Variants in RARB observed in about 807,000 individuals in gnomAD.
RARB encodes the protein HBV-activated protein.
Under a neutral mutation model 51.9 loss-of-function variants are expected in RARB, and 17 were observed. That is an observed-to-expected ratio of 0.33 (90% CI 0.22 to 0.49). RARB has a LOEUF of 0.49. Among genes scored for constraint, RARB ranks in the 20% least tolerant of loss-of-function variants. RARB has a pLI of 0.99. For missense variants in RARB, 369 were observed against 550.8 expected (o/e 0.67, Z 3.30); for synonymous variants, 215 against 195.4 (o/e 1.10, Z -0.84).
At chr3:25,334,424 C>T (rs1199102533) in intron 5 of RARB, among the ~76,000 whole-genome samples, 1 of 152,064 alleles carries the variant, frequency 6.6e-6, no homozygotes, top group Non-Finnish European at 1.5e-5. Flanking sequence ...CAAACTATTG[C>T]AAGGACAGAA....
chr3:25,258,096 A>T (rs768252569), intron 5 of RARB, among the ~76,000 whole-genome samples: 1 of 152,094 alleles, frequency 6.6e-6, no homozygotes, highest in Non-Finnish European at 1.5e-5. Context: ...CACAGAATAC[A>T]TGAATAAAGG....
intron 5 of RARB, among the ~76,000 whole-genome samples, chr3:25,321,602 A>G (rs955072283): frequency 2.0e-5 from 3 of 152,050 alleles, no homozygotes; most frequent in South Asian, 2.1e-4. Context: ...CTGTAATCCC[A>G]GCTACTCGGG....
chr3:25,567,137 T>C (rs1700528368), intron 3 of RARB, among the ~76,000 whole-genome samples: 1 of 152,202 alleles, frequency 6.6e-6, no homozygotes, highest in Non-Finnish European at 1.5e-5. Flanking sequence ...TTTTTGTTGG[T>C]GTTGTTTTGT....
chr3:25,449,340 TC>T (rs1411980797), intron 1 of RARB, among the ~76,000 whole-genome samples: 2 of 152,132 alleles, frequency 1.3e-5, no homozygotes, highest in African/African-American at 4.8e-5. Flanking sequence ...TGTGTTTGCT[TC>T]TGGGGGACTT....
At chr3:25,455,274 T>C (rs1038355445) in intron 1 of RARB, among the ~76,000 whole-genome samples, 2 of 152,340 alleles carry the variant, frequency 1.3e-5, no homozygotes, top group African/African-American at 4.8e-5. Context: ...CCTTAACTCC[T>C]ATTTCCTGGA....
intron 2 of RARB, among the ~76,000 whole-genome samples, chr3:24,943,303 A>G (rs567439262): frequency 6.6e-6 from 1 of 152,294 alleles, no homozygotes; most frequent in South Asian, 2.1e-4. Flanking sequence ...TTCTGCTTGC[A>G]ATGTGATTAG....
intron 2 of RARB, among the ~76,000 whole-genome samples, chr3:24,869,979 T>C (rs183258026): frequency 3.2e-4 from 48 of 152,206 alleles, no homozygotes; most frequent in African/African-American, 1.1e-3. Flanking sequence ...AGTTGGTATT[T>C]ACTAATTTAC....
intron 5 of RARB, among the ~76,000 whole-genome samples, chr3:25,320,168 T>A (rs1315799202): frequency 2.0e-5 from 3 of 152,076 alleles, no homozygotes; most frequent in Non-Finnish European, 4.4e-5. Flanking sequence ...CACTTCCTCA[T>A]CTTTAGGATT....
chr3:24,903,440 G>T (rs1004235611), intron 2 of RARB, among the ~76,000 whole-genome samples: 1 of 151,962 alleles, frequency 6.6e-6, no homozygotes, highest in Non-Finnish European at 1.5e-5. Context: ...CATTTTAAAA[G>T]TTCTTTCTTT....
intron 2 of RARB, among the ~76,000 whole-genome samples, chr3:24,984,578 G>GC (rs1696747097): frequency 6.6e-6 from 1 of 152,172 alleles, no homozygotes; most frequent in African/African-American, 2.4e-5. Context: ...AGTTACCAGA[G>GC]CCTAATAGTA....
intron 5 of RARB, among the ~76,000 whole-genome samples, chr3:25,294,416 T>C (rs1410688741): frequency 1.3e-5 from 2 of 152,116 alleles, no homozygotes; most frequent in Non-Finnish European, 2.9e-5. Flanking sequence ...ATAAATGCCA[T>C]TCCAGCTATT....
intron 5 of RARB, among the ~76,000 whole-genome samples, chr3:25,201,454 C>T (rs558809297): frequency 1.4e-4 from 22 of 152,316 alleles, no homozygotes; most frequent in Non-Finnish European, 2.5e-4. Context: ...CTGGCCAGAA[C>T]TTCCAACACT....
chr3:24,903,606 AAAC>A (rs1351963478), intron 2 of RARB, among the ~76,000 whole-genome samples: 6 of 152,158 alleles, frequency 3.9e-5, no homozygotes, highest in Non-Finnish European at 5.9e-5. Flanking sequence ...GGAATTACGC[AAAC>A]AACACATTCA....
intron 2 of RARB, among the ~76,000 whole-genome samples, chr3:24,900,843 G>T (rs1703589241): frequency 6.6e-6 from 1 of 152,098 alleles, no homozygotes; most frequent in East Asian, 1.9e-4. Context: ...AAAGTTGGGT[G>T]ATTATAATAG....
intron 2 of RARB, among the ~76,000 whole-genome samples, chr3:24,980,270 G>C (rs79359630): frequency 1.4e-4 from 21 of 152,254 alleles, no homozygotes; most frequent in African/African-American, 5.1e-4. Context: ...TTCTCAAGGA[G>C]TATCTTTGTG....
intron 5 of RARB, among the ~76,000 whole-genome samples, chr3:25,273,323 A>G (rs924792799): frequency 1.3e-5 from 2 of 152,184 alleles, no homozygotes; most frequent in African/African-American, 4.8e-5. Flanking sequence ...CTGCTCACTT[A>G]ATCATTATAT....
intron 3 of RARB, among the ~76,000 whole-genome samples, chr3:25,557,249 G>T (rs2125674718): frequency 6.6e-6 from 1 of 152,112 alleles, no homozygotes; most frequent in South Asian, 2.1e-4. Context: ...TTGCACAGTA[G>T]TAGCTCAATA....
At chr3:24,984,528 T>C (rs1464722359) in intron 2 of RARB, among the ~76,000 whole-genome samples, 2 of 152,320 alleles carry the variant, frequency 1.3e-5, no homozygotes, top group Admixed American at 6.5e-5. Flanking sequence ...TAATCTCACT[T>C]ATATGTGGGA....
intron 3 of RARB, among the ~76,000 whole-genome samples, chr3:25,065,503 A>C (rs993892267): frequency 6.6e-5 from 10 of 152,346 alleles, no homozygotes; most frequent in African/African-American, 2.4e-4. Context: ...GCACTGTAAA[A>C]GTATTTTCAC....
Sources: gnomAD v4.1 joint callset for allele counts (sites outside exome capture counted in the v4.1 genomes callset) on GRCh38, gnomAD v4.1.1 for gene constraint, MANE v1.5 for transcripts, NCBI Gene and HGNC (gene_info 2026-07-23, HGNC 2026-07-21) for gene names.